The following NTRK3 variants were observed in gnomAD, a reference collection of about 807,000 sequenced individuals.
The protein encoded by NTRK3 is NT-3 growth factor receptor.
A neutral mutation model predicts 91.7 loss-of-function variants in NTRK3; 24 were observed. The ratio of observed to expected loss-of-function variants is 0.26; its 90% CI spans 0.19 to 0.37. The LOEUF (loss-of-function observed/expected upper bound fraction) is 0.37. NTRK3 is among the 10% of genes least tolerant of loss of function. The probability of loss-of-function intolerance (pLI) is 1.00; values close to 1 mark genes in which losing one functional copy is unlikely to be tolerated. For missense variants in NTRK3, 880 were observed against 1,068.9 expected (o/e 0.82, Z 2.46); for synonymous variants, 483 against 404.0 (o/e 1.20, Z -2.34).
chr15:88,061,406 C>T (rs777418916), intron 13 of NTRK3, among the ~76,000 whole-genome samples: 1 of 152,202 alleles, frequency 6.6e-6, no homozygotes, highest in African/African-American at 2.4e-5. Flanking sequence ...AGAAGGGACA[C>T]GGAATGCTTG....
At chr15:88,121,095 A>AT (rs1172991134) in intron 13 of NTRK3, among the ~76,000 whole-genome samples, 6 of 133,674 alleles carry the variant, frequency 4.5e-5, no homozygotes, top group African/African-American at 8.8e-5. Flanking sequence ...TAATGTATGT[A>AT]TTTTTTTTAC....
chr15:87,933,987 T>A (rs1157493045), intron 15 of NTRK3, among the ~76,000 whole-genome samples: 2 of 152,184 alleles, frequency 1.3e-5, no homozygotes, highest in Non-Finnish European at 2.9e-5. Flanking sequence ...CCAGGCCACT[T>A]CCTGTAGGGC....
intron 17 of NTRK3, 139 bp from the exon 19 acceptor site, chr15:87,880,567 G>C (rs749468203): frequency 1.6e-5 from 17 of 1,032,502 alleles, no homozygotes; most frequent in Non-Finnish European, 2.2e-5. Context: ...ACTTCTATCA[G>C]AGGTGTGTGA....
chr15:87,910,377 C>G (rs61265972), intron 17 of NTRK3, among the ~76,000 whole-genome samples: 1 of 152,172 alleles, frequency 6.6e-6, no homozygotes, highest in African/African-American at 2.4e-5. Flanking sequence ...GATAAAGAGA[C>G]AGGTTCAGAA....
chr15:88,227,529 C>T (rs567925354), intron 3 of NTRK3, among the ~76,000 whole-genome samples: 1 of 152,162 alleles, frequency 6.6e-6, no homozygotes, highest in African/African-American at 2.4e-5. Flanking sequence ...GAAGGATGAC[C>T]AGGTGAAGGG....
At chr15:88,071,966 T>C (rs1451554291) in intron 13 of NTRK3, among the ~76,000 whole-genome samples, 1 of 151,928 alleles carries the variant, frequency 6.6e-6, no homozygotes, top group African/African-American at 2.4e-5. Flanking sequence ...ATTTCCAGGG[T>C]TCCAGGGTTC....
rs959072828 is a variant in NTRK3, at chr15:87,871,788, T to C, written c.*5147A>G. On this transcript the variant is annotated 3_prime_UTR_variant, in exon 19 of 19. Transcript: ENST00000394480. ...TTCAAACAGGCCTTCTTTGAAGCCA[T>C]TCCAATCCAATATATAGAAATAAAC... The C allele has an allele frequency of 4.0e-5, 9 of 222,322 alleles. No individual in the cohort carries two copies. In the Admixed American group the frequency reaches 4.6e-4, roughly 11 times the overall value. The allele number at this position is 222,322 out of a possible 1,614,324, so 13.8% of individuals were successfully genotyped here. A position where few individuals can be genotyped will look rare whatever the true frequency, so the allele number is the denominator to read the frequency against.
At chr15:88,084,177 C>G (rs2048303442) in intron 13 of NTRK3, among the ~76,000 whole-genome samples, 1 of 151,410 alleles carries the variant, frequency 6.6e-6, no homozygotes, top group South Asian at 2.1e-4. Flanking sequence ...AACTTGAGCG[C>G]TCAGGGGTTC....
At chr15:88,231,140 A>G (rs2051146484) in intron 3 of NTRK3, among the ~76,000 whole-genome samples, 1 of 152,156 alleles carries the variant, frequency 6.6e-6, no homozygotes, top group South Asian at 2.1e-4. Context: ...AACAGATGTC[A>G]CAGACCTCTC....
intron 5 of NTRK3, among the ~76,000 whole-genome samples, chr15:88,162,144 G>C (rs1477519878): frequency 2.0e-5 from 3 of 152,170 alleles, no homozygotes; most frequent in Admixed American, 6.5e-5. Context: ...TGAAGCACCA[G>C]CGCCACAGCA....
chr15:88,027,603 C>T (rs1359454053), intron 14 of NTRK3, among the ~76,000 whole-genome samples: 6 of 152,116 alleles, frequency 3.9e-5, no homozygotes, highest in Admixed American at 2.0e-4. Flanking sequence ...AGGATGGTCT[C>T]GATCTCTGGA....
intron 18 of NTRK3, among the ~76,000 whole-genome samples, 187 bp from the exon 20 acceptor site, chr15:87,877,307 T>A (rs1162339471): frequency 6.6e-6 from 1 of 152,202 alleles, no homozygotes; most frequent in South Asian, 2.1e-4. Context: ...CACAGTGCAG[T>A]GAGCAGCAGT....
chr15:88,069,144 A>G (rs966834593), intron 13 of NTRK3, among the ~76,000 whole-genome samples: 3 of 152,196 alleles, frequency 2.0e-5, no homozygotes, highest in African/African-American at 7.2e-5. Context: ...CCCACTCTCA[A>G]GTCCTACAGT....
chr15:87,876,929 C>T (rs1485468706), exon 19 of NTRK3: 2 of 1,613,722 alleles, frequency 1.2e-6, no homozygotes, highest in Non-Finnish European at 1.7e-6. Context: ...TGACCACCAG[C>T]CACCACTAGC....
At chr15:87,891,026 T>C (rs993255752) in intron 17 of NTRK3, among the ~76,000 whole-genome samples, 12 of 152,228 alleles carry the variant, frequency 7.9e-5, no homozygotes, top group Non-Finnish European at 7.3e-5. Flanking sequence ...AATTTTATGT[T>C]TGTGTTCTTT....
At chr15:88,081,087 G>C (rs1353123700) in intron 13 of NTRK3, among the ~76,000 whole-genome samples, 1 of 152,230 alleles carries the variant, frequency 6.6e-6, no homozygotes, top group Non-Finnish European at 1.5e-5. Context: ...TTCTAGCACA[G>C]ATTGGCAAAG....
intron 13 of NTRK3, among the ~76,000 whole-genome samples, chr15:88,114,124 C>T (rs1196315457): frequency 6.6e-6 from 1 of 152,140 alleles, no homozygotes; most frequent in Non-Finnish European, 1.5e-5. Context: ...CTAAGTGACA[C>T]CAGAGCCGTG....
chr15:87,991,014 G>A (rs1596558074), intron 14 of NTRK3, among the ~76,000 whole-genome samples: 2 of 152,142 alleles, frequency 1.3e-5, no homozygotes, highest in Middle Eastern at 6.8e-3. Flanking sequence ...CTGACCTCTT[G>A]AAGGTCACCA....
chr15:87,923,192 A>G (rs566076632), intron 17 of NTRK3, among the ~76,000 whole-genome samples: 10 of 152,358 alleles, frequency 6.6e-5, no homozygotes, highest in South Asian at 2.1e-4. Context: ...AGAGATTGCC[A>G]GCTATGAAGT....
Sources: gnomAD v4.1 joint callset for allele counts (sites outside exome capture counted in the v4.1 genomes callset) on GRCh38, gnomAD v4.1.1 for gene constraint, MANE v1.5 for transcripts, NCBI Gene and HGNC (gene_info 2026-07-23, HGNC 2026-07-21) for gene names.